FHAD1: variants seen among roughly 807,000 people sequenced by gnomAD.
FHAD1 encodes forkhead-associated domain-containing protein 1.
Under a neutral mutation model 191.3 loss-of-function variants are expected in FHAD1, and 146 were observed. The observed-to-expected ratio is 0.76, with a 90% CI of 0.67 to 0.88. The LOEUF is 0.88. Ranked by LOEUF, FHAD1 falls within the 40% of genes least tolerant of loss-of-function variation. The pLI is 0.00. For synonymous variants in FHAD1, 616 were observed against 672.3 expected, an observed-to-expected ratio of 0.92 and a Z score of 1.29; for missense variants, 1,635 against 1,785.8, an observed-to-expected ratio of 0.92 and a Z score of 1.52.
intron 14 of FHAD1, among the ~76,000 whole-genome samples, chr1:15,338,261 C>T (rs979562688): frequency 6.6e-6 from 1 of 152,238 alleles, no homozygotes; most frequent in African/African-American, 2.4e-5. Flanking sequence ...TTTCACTGGG[C>T]TAAAGTTCCT....
chr1:15,348,797 G>T (rs1689815403), intron 18 of FHAD1, among the ~76,000 whole-genome samples: 1 of 152,056 alleles, frequency 6.6e-6, no homozygotes, highest in Admixed American at 6.6e-5. Context: ...AAAGGGTGTG[G>T]CTCTGGGCCC....
chr1:15,368,070 C>T (rs548507651), intron 25 of FHAD1, among the ~76,000 whole-genome samples: 1 of 152,190 alleles, frequency 6.6e-6, no homozygotes, highest in African/African-American at 2.4e-5. Flanking sequence ...CTCCCGGGTT[C>T]AAGCCATTCT....
At chr1:15,358,383 C>A in intron 21 of FHAD1, 100 bp downstream of exon 21, 1 of 1,199,882 alleles carries the variant, frequency 8.3e-7, no homozygotes, top group Non-Finnish European at 1.2e-6. Context: ...TCAGCCTCAG[C>A]ACTGCTGATG....
Position 15,358,148 on chromosome 1 carries a change from TAATA to T in FHAD1, c.2605_2608del (p.Lys869Ter), listed in dbSNP as rs1346638707. ...AAGAGCAAAAAGAGGACGTTTTAAA[TAATA>T]AATTAAGTGACGCACTGGCCATGGT... On this transcript the variant is annotated frameshift_variant, in exon 21 of 34. Transcript: ENST00000688493. LOFTEE classifies it high-confidence loss of function. The T allele has an allele frequency of 2.0e-6, 3 of 1,516,216 alleles. No individual in the cohort carries two copies. Among genetic ancestry groups the T allele is most frequent in the African/African-American group, 2.8e-5 (2 of 70,592 alleles). The allele number at this position is 1,516,216 out of a possible 1,614,324, so 93.9% of individuals were successfully genotyped here. A position where few individuals can be genotyped will look rare whatever the true frequency, so the allele number is the denominator to read the frequency against.
Position 15,304,940 on chromosome 1 carries a change from G to A in FHAD1, c.915+3499G>A, listed in dbSNP as rs137914839. Among the ~76,000 whole-genome samples, 181 of 140,852 alleles carry A rather than the reference G, an allele frequency of 1.3e-3. 1 individual carries two copies. The highest frequency in any genetic ancestry group is 4.1e-3 in the African/African-American group (169 of 41,244). 92.4% of individuals were successfully genotyped at this position (140,852 alleles called of 152,430 possible). A position where few individuals can be genotyped will look rare whatever the true frequency, so the allele number is the denominator to read the frequency against. ...CTGGTGGCCAGGTGCAGGGCACACC[G>A]TATCTGCATTGTCGGGGTCCCCCCC... On this transcript the variant is annotated intron_variant, in intron 6 of 33. Transcript: ENST00000688493.
At chr1:15,296,836 C>T (rs929734844) in intron 5 of FHAD1, 43 bp downstream of exon 5, 10 of 1,483,138 alleles carry the variant, frequency 6.7e-6, no homozygotes, top group Admixed American at 4.0e-5. Flanking sequence ...CAGCAGCAAG[C>T]GCACTGCAAA....
intron 20 of FHAD1, among the ~76,000 whole-genome samples, chr1:15,355,243 A>G (rs1015300291): frequency 6.6e-6 from 1 of 151,736 alleles, no homozygotes; most frequent in Non-Finnish European, 1.5e-5. Flanking sequence ...GTCTTACGGC[A>G]TCCCTCAAAG....
Position 15,374,649 on chromosome 1 carries a change from T to C in FHAD1, c.3577+18T>C, listed in dbSNP as rs1006108909. 7.1e-6 allele frequency: 11 copies of C among 1,550,376 alleles called. No individual in the cohort carries two copies. In the African/African-American group the frequency reaches 8.2e-5, roughly 12 times the overall value. On this transcript the variant is annotated intron_variant, in intron 27 of 33. Coordinates refer to ENST00000688493, the MANE Select transcript of FHAD1 (RefSeq NM_001391957.1). ...CTCACCAGGTAAGTCTCCTCCTTCC[T>C]AGTCAGAGCAGTGGACCCCAGACTC...
intron 33 of FHAD1, among the ~76,000 whole-genome samples, chr1:15,395,217 G>A (rs1705527781): frequency 6.6e-6 from 1 of 151,738 alleles, no homozygotes; most frequent in African/African-American, 2.4e-5. Context: ...GGGAGGCTGA[G>A]GCAGGAGAAT....
At chr1:15,351,828 G>C (rs1398262785) in intron 19 of FHAD1, among the ~76,000 whole-genome samples, 1 of 151,802 alleles carries the variant, frequency 6.6e-6, no homozygotes, top group African/African-American at 2.4e-5. Context: ...ATGTGGTTGA[G>C]GGGGGTGCCT....
chr1:15,309,928 C>T (rs922730312), intron 7 of FHAD1, among the ~76,000 whole-genome samples: 7 of 152,196 alleles, frequency 4.6e-5, no homozygotes, highest in East Asian at 3.9e-4. Context: ...GATCAACTGC[C>T]GGCGAGTGTG....
chr1:15,281,851 G>A (rs1660741012), intron 3 of FHAD1, among the ~76,000 whole-genome samples: 1 of 151,234 alleles, frequency 6.6e-6, no homozygotes, highest in African/African-American at 2.4e-5. Context: ...TTACTTATGT[G>A]TGTTACATTC....
At chr1:15,355,176 T>G (rs1246104983) in intron 20 of FHAD1, among the ~76,000 whole-genome samples, 1 of 148,724 alleles carries the variant, frequency 6.7e-6, no homozygotes, top group African/African-American at 2.5e-5. Flanking sequence ...GCCATTGCAC[T>G]CCAGCCTGGG....
chr1:15,277,835 G>A (rs1328426076), intron 3 of FHAD1, among the ~76,000 whole-genome samples: 1 of 152,118 alleles, frequency 6.6e-6, no homozygotes, highest in African/African-American at 2.4e-5. Flanking sequence ...CTTTTTTGAT[G>A]GTGATGATAA....
In FHAD1 at chr1:15,318,015, T is replaced by TGTAAGAAG; in HGVS notation, c.1365+88_1365+89insTAAGAAGG. ...TGTTAGTCCTCTAAGTGGACTATGC[T>TGTAAGAAG]GGTATTAACCCTTCTTACAGCTGAG... On this transcript the variant is annotated intron_variant, in intron 10 of 33. Transcript: ENST00000688493. This position sits in a 1 kb window ranked among gnomAD's most constrained non-coding sequence, Gnocchi z 4.1. The TGTAAGAAG allele has an allele frequency of 1.2e-6, 1 of 831,214 alleles. No individual in the cohort carries two copies. 51.5% of individuals were successfully genotyped at this position (831,214 alleles called of 1,614,324 possible). A position where few individuals can be genotyped will look rare whatever the true frequency, so the allele number is the denominator to read the frequency against.
intron 4 of FHAD1, among the ~76,000 whole-genome samples, chr1:15,294,068 T>C (rs1004343011): frequency 2.0e-5 from 3 of 152,140 alleles, no homozygotes; most frequent in African/African-American, 7.2e-5. Context: ...GGAGAGGGGC[T>C]TCCATCTTCC....
intron 28 of FHAD1, among the ~76,000 whole-genome samples, chr1:15,377,495 T>G (rs1163869509): frequency 1.3e-5 from 2 of 152,100 alleles, no homozygotes; most frequent in Non-Finnish European, 2.9e-5. Flanking sequence ...ACCTCTCCAC[T>G]CTCTCAGAAG....
chr1:15,305,632 G>A (rs1670227593), intron 6 of FHAD1: 1 of 228,028 alleles, frequency 4.4e-6, no homozygotes, highest in Non-Finnish European at 9.0e-6. Flanking sequence ...CCAGCAGGAG[G>A]TAATTGAATC....
intron 2 of FHAD1, among the ~76,000 whole-genome samples, chr1:15,263,454 T>A (rs1354674355): frequency 2.0e-5 from 3 of 151,906 alleles, no homozygotes; most frequent in African/African-American, 7.2e-5. Flanking sequence ...TTTAGGTCTT[T>A]GATCCATTTT....
Sources: allele counts gnomAD v4.1 joint callset (sites outside exome capture counted in the v4.1 genomes callset), GRCh38; gene constraint gnomAD v4.1.1; non-coding constraint Gnocchi (gnomAD v3.1); transcripts MANE v1.5; gene names NCBI Gene and HGNC (gene_info 2026-07-23, HGNC 2026-07-21).